NHS: variants seen among roughly 807,000 people sequenced by gnomAD.
NHS encodes NHS actin remodeling regulator.
In NHS, 5 loss-of-function variants were observed where a neutral mutation model predicts 72.5. The observed-to-expected ratio is 0.07, with a 90% CI of 0.04 to 0.14. The LOEUF is 0.14. Ranked by LOEUF, NHS falls within the 10% of genes least tolerant of loss-of-function variation. The pLI is 1.00. For synonymous variants in NHS, 464 were observed against 547.7 expected (o/e 0.85, Z 2.13); for missense variants, 1,072 against 1,355.7 (o/e 0.79, Z 3.29).
chrX:17,672,839 C>T (rs1172597240), intron 1 of NHS, among the ~76,000 whole-genome samples: 7 of 112,034 alleles, frequency 6.2e-5, no homozygotes, highest in Non-Finnish European at 7.5e-5. Flanking sequence ...AGGACAATGG[C>T]GCATGTCATG....
chrX:17,539,207 C>T (rs2065250381), intron 1 of NHS, among the ~76,000 whole-genome samples: 1 of 111,449 alleles, frequency 9.0e-6, no homozygotes, highest in African/African-American at 3.3e-5. Context: ...ATGGCTCTGG[C>T]TCTTTCCTCT....
chrX:17,475,347 G>A (rs144632283), intron 1 of NHS, among the ~76,000 whole-genome samples: 138 of 112,313 alleles, frequency 1.2e-3, no homozygotes, highest in Non-Finnish European at 2.1e-3. Flanking sequence ...AACGAATGTC[G>A]CTCAGATAAT....
intron 4 of NHS, among the ~76,000 whole-genome samples, chrX:17,720,998 T>A (rs1278840183): frequency 1.8e-5 from 2 of 112,370 alleles, no homozygotes; most frequent in Non-Finnish European, 3.8e-5. Flanking sequence ...GGTTCTGGAA[T>A]GTCTCCTGAC....
intron 1 of NHS, among the ~76,000 whole-genome samples, chrX:17,378,547 G>A (rs1056844705): frequency 2.7e-5 from 3 of 111,609 alleles, no homozygotes; most frequent in African/African-American, 9.8e-5. Flanking sequence ...AGGTTTCCTA[G>A]AATGCAGAGC....
At chrX:17,517,358 C>T (rs1037261214) in intron 1 of NHS, among the ~76,000 whole-genome samples, 3 of 112,041 alleles carry the variant, frequency 2.7e-5, no homozygotes, top group Non-Finnish European at 5.6e-5. Context: ...CAATTCTAGA[C>T]CAATTAAATC....
intron 2 of NHS, among the ~76,000 whole-genome samples, chrX:17,690,413 AG>A (rs2066189076): frequency 8.9e-6 from 1 of 112,128 alleles, no homozygotes; most frequent in Admixed American, 9.4e-5. Context: ...TTCCACCATG[AG>A]GGAGTGGATA....
In NHS at chrX:17,482,060, G is replaced by T. The variant is rs191537076; in HGVS notation, c.565+105738G>T. On this transcript the variant is annotated intron_variant, in intron 1 of 8. Transcript: ENST00000676302. ...TGCTTCTGTTACCTACCACCTGTGT[G>T]ACCTTGGGCAAGTAGCTTTACTTCA... 3.6e-5 allele frequency among the ~76,000 whole-genome samples: 4 copies of T among 112,238 alleles called. No homozygotes were observed. In the East Asian group the frequency reaches 1.1e-3, roughly 31 times the overall value.
chrX:17,623,243 A>G (rs1398441007), intron 1 of NHS, among the ~76,000 whole-genome samples: 3 of 112,140 alleles, frequency 2.7e-5, no homozygotes, highest in Non-Finnish European at 5.6e-5. Flanking sequence ...CCGGCCCTCA[A>G]TGGCCTCTTT....
At chrX:17,599,497 T>G (rs761984888) in intron 1 of NHS, among the ~76,000 whole-genome samples, 2 of 110,702 alleles carry the variant, frequency 1.8e-5, no homozygotes, top group South Asian at 7.7e-4. Flanking sequence ...TACAGAAAAA[T>G]TGAGATGATA....
In NHS at chrX:17,732,271, T is replaced by A; in HGVS notation, c.4763T>A (p.Phe1588Tyr). ...TCCCCACGAGTTAATGCAGAAGGCT[T>A]TTCCTCGAAGAGCTTTGCCACCTCA... ...PCSPRVNAEG[F>Y]SSKSFATSAS... The change falls in exon 9 of 9, where the codon TTT (phenylalanine) becomes TAT (tyrosine). Residue 1588 changes from phenylalanine (F) to tyrosine (Y), a missense_variant. By Grantham distance (22) the Phe-to-Tyr change is conservative (BLOSUM62 3). Coordinates refer to ENST00000676302, the MANE Select transcript of NHS (RefSeq NM_001291867.2). 8.3e-7 allele frequency: 1 copy of A among 1,211,974 alleles called. No homozygotes were observed. The highest frequency in any genetic ancestry group is 1.1e-6 in the Non-Finnish European group (1 of 895,571).
At chrX:17,414,553 A>T (rs948336129) in intron 1 of NHS, among the ~76,000 whole-genome samples, 6 of 111,664 alleles carry the variant, frequency 5.4e-5, no homozygotes, top group African/African-American at 2.0e-4. Context: ...TGTTTTAGAG[A>T]ATGCCTCTTC....
At position 17,728,098 on chromosome X, in the gene NHS, C is replaced by A; in HGVS notation, c.3992C>A (p.Thr1331Asn). ...ATCACATCTCAGTCAGACTCACCAA[C>A]TAGAGCAACAGATGTAAGCAATCAA... Reference protein sequence around the residue: ...DVITSQSDSPTRATDVSNQFK... With the variant: ...DVITSQSDSPNRATDVSNQFK... The change falls in exon 7 of 9, where the codon ACT (threonine) becomes AAT (asparagine). Residue 1331 changes from threonine to asparagine, a missense_variant. Physicochemically the swap from Thr to Asn is moderately conservative, Grantham distance 65 (BLOSUM62 0). Transcript: ENST00000676302. 1 of 1,211,819 alleles carries A rather than the reference C, an allele frequency of 8.3e-7. No individual in the cohort carries two copies. The highest frequency in any genetic ancestry group is 1.1e-6 in the Non-Finnish European group (1 of 895,476).
chrX:17,389,095 A>G (rs2064426176), intron 1 of NHS, among the ~76,000 whole-genome samples: 1 of 112,172 alleles, frequency 8.9e-6, no homozygotes, highest in Admixed American at 9.4e-5. Context: ...GCTGTCTTGG[A>G]AAAATTTAAA....
intron 1 of NHS, among the ~76,000 whole-genome samples, chrX:17,383,115 T>C (rs2064386445): frequency 8.9e-6 from 1 of 112,228 alleles, no homozygotes; most frequent in Non-Finnish European, 1.9e-5. Context: ...CTTTGCTGTC[T>C]TCCTTTCTCC....
intron 1 of NHS, among the ~76,000 whole-genome samples, chrX:17,653,101 G>C (rs1291855280): frequency 9.0e-6 from 1 of 111,283 alleles, no homozygotes; most frequent in Non-Finnish European, 1.9e-5. Context: ...ACAGGGGATA[G>C]GGGGACCTAA....
intron 1 of NHS, among the ~76,000 whole-genome samples, chrX:17,499,628 G>A (rs2065028312): frequency 9.0e-6 from 1 of 111,351 alleles, no homozygotes; most frequent in Admixed American, 9.5e-5. Flanking sequence ...GAGTATGAAG[G>A]AAGCTGAATG....
At chrX:17,438,463 T>G (rs1249746012) in intron 1 of NHS, among the ~76,000 whole-genome samples, 1 of 111,952 alleles carries the variant, frequency 8.9e-6, no homozygotes, top group Non-Finnish European at 1.9e-5. Flanking sequence ...CTTTCTCATC[T>G]TTAAAGGAGG....
chrX:17,525,477 T>C (rs887045396), intron 1 of NHS, among the ~76,000 whole-genome samples: 13 of 111,941 alleles, frequency 1.2e-4, no homozygotes, highest in Non-Finnish European at 2.3e-4. Context: ...GGAGTTCTTT[T>C]TGGAATGTTA....
intron 1 of NHS, among the ~76,000 whole-genome samples, chrX:17,434,332 A>G (rs2064709447): frequency 8.9e-6 from 1 of 111,844 alleles, no homozygotes; most frequent in South Asian, 3.8e-4. Context: ...AAGGAGAAAC[A>G]GAATATTTTA....
Sources: gnomAD v4.1 joint callset for allele counts (sites outside exome capture counted in the v4.1 genomes callset) on GRCh38, gnomAD v4.1.1 for gene constraint, MANE v1.5 for transcripts, NCBI Gene and HGNC (gene_info 2026-07-23, HGNC 2026-07-21) for gene names.